Variants in DNM3 observed in about 807,000 individuals in gnomAD.
DNM3 encodes dynamin-3.
In DNM3, 47 loss-of-function variants were observed where a neutral mutation model predicts 101.6. The ratio of observed to expected loss-of-function variants is 0.46; its 90% CI spans 0.37 to 0.59. The LOEUF is 0.59. Ranked by LOEUF, DNM3 falls within the 20% of genes least tolerant of loss-of-function variation. The pLI is 0.00. For synonymous variants in DNM3, 385 were observed against 387.9 expected (o/e 0.99, Z 0.09); for missense variants, 849 against 1,085.7 (o/e 0.78, Z 3.06).
intron 14 of DNM3, among the ~76,000 whole-genome samples, chr1:172,188,611 G>T (rs1392252431): frequency 6.6e-6 from 1 of 151,882 alleles, no homozygotes; most frequent in Non-Finnish European, 1.5e-5. Context: ...CAGTTTTTTG[G>T]CAATTATGAA....
Position 172,312,847 on chromosome 1 carries a change from C to A in DNM3, c.1881+4008C>A, listed in dbSNP as rs188263329. On this transcript the variant is annotated intron_variant, in intron 16 of 20. Transcript: ENST00000627582. ...GATATCTGTATAAAATACAACAGCC[C>A]TACTATTTTTCCATATGGATTTTCT... Among the ~76,000 whole-genome samples, 644 of 152,214 alleles carry A rather than the reference C, an allele frequency of 4.2e-3. 11 individuals are homozygous for A. Among genetic ancestry groups the A allele is most frequent in the African/African-American group, 0.015 (605 of 41,542 alleles).
chr1:171,865,988 C>T (rs1242320299), intron 1 of DNM3, among the ~76,000 whole-genome samples: 1 of 152,172 alleles, frequency 6.6e-6, no homozygotes, highest in East Asian at 1.9e-4. Flanking sequence ...TCTTAATCAA[C>T]AAACCTTGAA....
chr1:172,294,997 A>G (rs896548726), intron 15 of DNM3, among the ~76,000 whole-genome samples: 1 of 152,072 alleles, frequency 6.6e-6, no homozygotes, highest in Non-Finnish European at 1.5e-5. Flanking sequence ...CCCAAAAGTC[A>G]TACACAACAA....
At chr1:172,086,713 T>C (rs1241929548) in intron 12 of DNM3, among the ~76,000 whole-genome samples, 1 of 152,172 alleles carries the variant, frequency 6.6e-6, no homozygotes, top group Non-Finnish European at 1.5e-5. Flanking sequence ...TGGTGACCTA[T>C]GGTGGTAGCT....
intron 14 of DNM3, among the ~76,000 whole-genome samples, chr1:172,213,517 C>CAA (rs57339395): frequency 0.038 from 3,011 of 79,306 alleles, 382 homozygotes; most frequent in African/African-American, 0.13. Flanking sequence ...TCCATTGTTA[C>CAA]AAAAAAAAAA....
rs1201636845 is a variant in DNM3, at chr1:172,131,230, C to T, written c.1601C>T (p.Ser534Leu). 6.2e-7 allele frequency: 1 copy of T among 1,613,266 alleles called. No individual in the cohort carries two copies. Among genetic ancestry groups the T allele is most frequent in the Non-Finnish European group, 8.5e-7 (1 of 1,179,562 alleles). Residue 534 changes from serine (S) to leucine (L), a missense_variant, in exon 14 of 21, where the codon TCG becomes TTG. By Grantham distance (145) the Ser-to-Leu change is moderately radical (BLOSUM62 -2). Transcript: ENST00000627582. ...AACATTGGCATCATGAAAGGCGGCT[C>T]GAAGGGATACTGGTTCGTCCTTACT... ...ISNIGIMKGG[S>L]KGYWFVLTAE...
intron 2 of DNM3, among the ~76,000 whole-genome samples, chr1:171,936,353 A>G (rs985920786): frequency 8.2e-6 from 1 of 122,424 alleles, no homozygotes; most frequent in Non-Finnish European, 1.7e-5. Context: ...TCTGTCTCAA[A>G]AAAAGAAAAG....
intron 15 of DNM3, among the ~76,000 whole-genome samples, chr1:172,285,387 A>G (rs1413155841): frequency 2.0e-5 from 3 of 151,986 alleles, no homozygotes; most frequent in African/African-American, 7.3e-5. Context: ...ACCCCATCCC[A>G]ATCTCACTGA....
At chr1:171,915,481 A>G (rs1443056059) in intron 1 of DNM3, among the ~76,000 whole-genome samples, 1 of 152,214 alleles carries the variant, frequency 6.6e-6, no homozygotes, top group Non-Finnish European at 1.5e-5. Flanking sequence ...TCAACAGGAC[A>G]TGGTGACCAA....
intron 17 of DNM3, among the ~76,000 whole-genome samples, chr1:172,325,201 G>C (rs1458233596): frequency 6.6e-6 from 1 of 151,954 alleles, no homozygotes; most frequent in Non-Finnish European, 1.5e-5. Context: ...TTAAAATTAC[G>C]GCTCATTAAG....
At chr1:172,281,790 G>C (rs1323311305) in intron 15 of DNM3, among the ~76,000 whole-genome samples, 1 of 151,944 alleles carries the variant, frequency 6.6e-6, no homozygotes, top group South Asian at 2.1e-4. Flanking sequence ...TGAGATAAAT[G>C]TTCCTAACAA....
chr1:171,883,114 A>G (rs1010449781), intron 1 of DNM3, among the ~76,000 whole-genome samples: 1 of 152,062 alleles, frequency 6.6e-6, no homozygotes, highest in South Asian at 2.1e-4. Flanking sequence ...CTTTGAAAGC[A>G]TATTTTCCTG....
intron 1 of DNM3, among the ~76,000 whole-genome samples, chr1:171,915,737 T>C (rs886834709): frequency 3.9e-5 from 6 of 152,170 alleles, no homozygotes; most frequent in African/African-American, 1.4e-4. Context: ...TAATGAGTTG[T>C]AGAGATGTTT....
chr1:171,909,608 G>A (rs535602522), intron 1 of DNM3, among the ~76,000 whole-genome samples: 1 of 152,200 alleles, frequency 6.6e-6, no homozygotes, highest in South Asian at 2.1e-4. Context: ...TTCTTGACTA[G>A]TGCTCTTTCC....
intron 1 of DNM3, among the ~76,000 whole-genome samples, chr1:171,877,892 T>A (rs2035920002): frequency 6.6e-6 from 1 of 152,132 alleles, no homozygotes; most frequent in Admixed American, 6.5e-5. Context: ...TTAGACCGGG[T>A]GTCTGATTAT....
At chr1:172,283,182 G>A (rs2063554304) in intron 15 of DNM3, among the ~76,000 whole-genome samples, 1 of 152,118 alleles carries the variant, frequency 6.6e-6, no homozygotes, top group African/African-American at 2.4e-5. Flanking sequence ...GCTCCATATT[G>A]CTTCAGACAG....
intron 14 of DNM3, among the ~76,000 whole-genome samples, chr1:172,206,415 C>A (rs567517164): frequency 6.6e-6 from 1 of 152,120 alleles, no homozygotes; most frequent in African/African-American, 2.4e-5. Flanking sequence ...TGTTTTATGT[C>A]TACTTCCTCT....
At chr1:171,856,200 C>A (rs2033596450) in intron 1 of DNM3, among the ~76,000 whole-genome samples, 1 of 151,860 alleles carries the variant, frequency 6.6e-6, no homozygotes, top group African/African-American at 2.4e-5. Flanking sequence ...TATTTCTGGG[C>A]TCTCTATTCT....
intron 14 of DNM3, among the ~76,000 whole-genome samples, chr1:172,225,539 A>C (rs994375241): frequency 2.1e-4 from 32 of 151,568 alleles, no homozygotes; most frequent in African/African-American, 7.8e-4. Context: ...GATAGCTTCT[A>C]TTCTCAACTC....
Sources: gnomAD v4.1 joint callset for allele counts (sites outside exome capture counted in the v4.1 genomes callset) on GRCh38, gnomAD v4.1.1 for gene constraint, MANE v1.5 for transcripts, NCBI Gene and HGNC (gene_info 2026-07-23, HGNC 2026-07-21) for gene names.